The following OCA2 variants were observed in gnomAD, a reference collection of about 807,000 sequenced individuals.
The protein encoded by OCA2 is OCA2 melanosomal transmembrane protein.
A neutral mutation model predicts 100.2 loss-of-function variants in OCA2; 77 were observed. That is an observed-to-expected ratio of 0.77 (90% CI 0.64 to 0.93). OCA2 has a LOEUF of 0.93. Ranked by LOEUF, OCA2 falls within the 40% of genes least tolerant of loss-of-function variation. The pLI is 0.00. For synonymous variants in OCA2, 432 were observed against 439.2 expected (o/e 0.98, Z 0.21); for missense variants, 1,062 against 1,089.1 (o/e 0.98, Z 0.35).
At chr15:27,965,321 A>G (rs1226508341) in intron 15 of OCA2, among the ~76,000 whole-genome samples, 1 of 152,218 alleles carries the variant, frequency 6.6e-6, no homozygotes, top group African/African-American at 2.4e-5. Flanking sequence ...TGATTATAAA[A>G]CATTCTAAAC....
At chr15:28,064,538 T>A (rs975593410) in intron 2 of OCA2, among the ~76,000 whole-genome samples, 7 of 152,176 alleles carry the variant, frequency 4.6e-5, no homozygotes, top group Admixed American at 1.3e-4. Context: ...TCCTCTGCCT[T>A]CCTAAATCTG....
At chr15:27,987,868 C>T (rs938371014) in intron 11 of OCA2, among the ~76,000 whole-genome samples, 5 of 152,098 alleles carry the variant, frequency 3.3e-5, no homozygotes, top group Admixed American at 6.5e-5. Flanking sequence ...ACTCAGTAAA[C>T]AGGAGTCCCA....
intron 21 of OCA2, among the ~76,000 whole-genome samples, chr15:27,859,681 A>G (rs1313912469): frequency 6.6e-6 from 1 of 152,210 alleles, no homozygotes; most frequent in Non-Finnish European, 1.5e-5. Flanking sequence ...TGAGGCCAGC[A>G]TTACCCTGAT....
intron 19 of OCA2, among the ~76,000 whole-genome samples, chr15:27,906,170 G>A (rs542751827): frequency 3.3e-4 from 51 of 152,306 alleles, no homozygotes; most frequent in African/African-American, 1.2e-3. Context: ...ATAACTGGAA[G>A]AAAGGACTTG....
chr15:27,986,612 C>G lies in OCA2; in HGVS notation c.1214G>C (p.Gly405Ala), dbSNP rs1261144207. The change falls in exon 12 of 24, where the codon GGA becomes GCA. Residue 405 changes from glycine to alanine, a missense_variant. Transcript: ENST00000354638. ...MILVAIFSET[G>A]FFDYCAVKAY... ...CTTTACAGCACAATAATCGAAAAATCCCGTTTCTGAAAATATGGCTACTAA... is the reference window on the plus strand; with the variant it reads ...CTTTACAGCACAATAATCGAAAAATGCCGTTTCTGAAAATATGGCTACTAA... 1.3e-6 allele frequency: 2 copies of G among 1,595,528 alleles called. No individual in the cohort carries two copies. The highest frequency in any genetic ancestry group is 4.5e-5 in the East Asian group (2 of 44,792).
intron 2 of OCA2, among the ~76,000 whole-genome samples, chr15:28,048,413 G>A (rs1256437707): frequency 6.6e-6 from 1 of 152,134 alleles, no homozygotes; most frequent in Non-Finnish European, 1.5e-5. Flanking sequence ...CCAGTTTTGT[G>A]GCAAGAGTGC....
At chr15:27,818,088 ACT>A (rs1357946887) in intron 23 of OCA2, among the ~76,000 whole-genome samples, 1 of 152,216 alleles carries the variant, frequency 6.6e-6, no homozygotes, top group African/African-American at 2.4e-5. Context: ...GTACTAGAAT[ACT>A]TTTTAAAATA....
intron 17 of OCA2, among the ~76,000 whole-genome samples, chr15:27,954,839 G>A (rs531198433): frequency 5.7e-4 from 87 of 152,224 alleles, no homozygotes; most frequent in Non-Finnish European, 1.1e-3. Flanking sequence ...CGCAAAGTGT[G>A]AACCTTGGGC....
intron 2 of OCA2, among the ~76,000 whole-genome samples, chr15:28,039,635 C>T (rs767380016): frequency 8.5e-5 from 13 of 152,164 alleles, no homozygotes; most frequent in African/African-American, 2.9e-4. Flanking sequence ...CCTAGTACCC[C>T]ACAATGTGTG....
chr15:27,867,338 T>C (rs941767531), intron 21 of OCA2, among the ~76,000 whole-genome samples: 3 of 152,158 alleles, frequency 2.0e-5, no homozygotes, highest in African/African-American at 7.2e-5. Context: ...GGAAAAAGCA[T>C]TAAAAAGTGA....
At chr15:27,890,273 G>A (rs2037400799) in intron 19 of OCA2, among the ~76,000 whole-genome samples, 1 of 152,094 alleles carries the variant, frequency 6.6e-6, no homozygotes, top group South Asian at 2.1e-4. Flanking sequence ...ATTAGAGCAA[G>A]GTTAGAAAAG....
chr15:27,790,783 C>A (rs2033042955), intron 23 of OCA2, among the ~76,000 whole-genome samples: 2 of 140,406 alleles, frequency 1.4e-5, no homozygotes, highest in South Asian at 4.3e-4. Flanking sequence ...CTCAATTACC[C>A]TGAATTTTTT....
intron 21 of OCA2, among the ~76,000 whole-genome samples, chr15:27,864,920 C>T (rs555709735): frequency 2.0e-5 from 3 of 151,336 alleles, no homozygotes; most frequent in Non-Finnish European, 4.4e-5. Flanking sequence ...CCACAGAGGC[C>T]GCCTGCCCAC....
chr15:27,941,600 A>G (rs549153830), intron 18 of OCA2, among the ~76,000 whole-genome samples: 1 of 152,320 alleles, frequency 6.6e-6, no homozygotes, highest in Admixed American at 6.5e-5. Flanking sequence ...ACCAACGATG[A>G]ATCCCCGCAT....
intron 23 of OCA2, among the ~76,000 whole-genome samples, chr15:27,785,582 G>T (rs1017149984): frequency 6.6e-6 from 1 of 152,146 alleles, no homozygotes; most frequent in African/African-American, 2.4e-5. Context: ...AGGTAAGAAA[G>T]AAAAGAAAAG....
intron 19 of OCA2, among the ~76,000 whole-genome samples, chr15:27,872,902 C>G (rs767256285): frequency 6.6e-6 from 1 of 152,140 alleles, no homozygotes; most frequent in Non-Finnish European, 1.5e-5. Flanking sequence ...GTTGGCCAGG[C>G]TGGTCTCGAA....
At chr15:27,857,280 T>G (rs953271191) in intron 21 of OCA2, among the ~76,000 whole-genome samples, 1 of 152,176 alleles carries the variant, frequency 6.6e-6, no homozygotes, top group African/African-American at 2.4e-5. Flanking sequence ...AACAGTGGAA[T>G]TGAGGAAGCC....
rs567826895 is a variant in OCA2, at chr15:28,042,317, A to C, written c.228-10154T>G. On this transcript the variant is annotated intron_variant, in intron 2 of 23. Transcript: ENST00000354638. ...CATTTCTAGCTATTCTATGAAATGAAGAAACTCTTATTTTAAAAATGCCTT... is the reference window on the plus strand; with the variant it reads ...CATTTCTAGCTATTCTATGAAATGACGAAACTCTTATTTTAAAAATGCCTT... 1.1e-3 allele frequency among the ~76,000 whole-genome samples: 166 copies of C among 152,262 alleles called. 2 individuals are homozygous for C. The highest frequency in any genetic ancestry group is 3.9e-3 in the African/African-American group (161 of 41,566).
At chr15:27,868,328 C>T (rs2036406415) in intron 21 of OCA2, among the ~76,000 whole-genome samples, 2 of 152,076 alleles carry the variant, frequency 1.3e-5, no homozygotes, top group South Asian at 4.1e-4. Context: ...CACTGATGGA[C>T]ATGTGGATAA....
Sources: allele counts gnomAD v4.1 joint callset (sites outside exome capture counted in the v4.1 genomes callset), GRCh38; gene constraint gnomAD v4.1.1; transcripts MANE v1.5; gene names NCBI Gene and HGNC (gene_info 2026-07-23, HGNC 2026-07-21).